Variants in PLEKHA2 observed in about 807,000 individuals in gnomAD.
PLEKHA2 encodes the protein pleckstrin homology domain containing A2.
PLEKHA2 carries 28 observed loss-of-function variants against 53.2 expected under a neutral mutation model. The observed-to-expected ratio is 0.53, with a 90% confidence interval of 0.39 to 0.72. The LOEUF (loss-of-function observed/expected upper bound fraction) is 0.72, where lower values mean the gene tolerates loss of function less well. Ranked by LOEUF, PLEKHA2 falls within the 30% of genes least tolerant of loss-of-function variation. The probability of loss-of-function intolerance (pLI) is 0.00; values close to 1 mark genes in which losing one functional copy is unlikely to be tolerated. For synonymous variants in PLEKHA2, 193 were observed against 196.4 expected, an observed-to-expected ratio of 0.98 and a Z score of 0.14; for missense variants, 426 against 537.9, an observed-to-expected ratio of 0.79 and a Z score of 2.06.
In PLEKHA2 at chr8:38,908,420, C is replaced by T. The variant is rs190170050; in HGVS notation, c.-24+6975C>T. Among the ~76,000 whole-genome samples the T allele has an allele frequency of 5.9e-5, 9 of 152,184 alleles. No homozygotes were observed. In the East Asian group the frequency reaches 1.7e-3, roughly 29 times the overall value. ...AAAACACCAAAAAGTTCCAAGAGAGCTATAATTTAGGGAAGGCCTTGTTTG... is the reference window on the plus strand; with the variant it reads ...AAAACACCAAAAAGTTCCAAGAGAGTTATAATTTAGGGAAGGCCTTGTTTG... On this transcript the variant is annotated intron_variant, in intron 1 of 11. Transcript: ENST00000617275.
At chr8:38,943,968 C>A in intron 4 of PLEKHA2, 131 bp downstream of exon 4, 1 of 624,354 alleles carries the variant, frequency 1.6e-6, no homozygotes, top group South Asian at 3.4e-5. Context: ...CAGTGACGGT[C>A]CTGGACGTCA....
chr8:38,964,671 C>T (rs1028340454), intron 10 of PLEKHA2, among the ~76,000 whole-genome samples: 4 of 150,956 alleles, frequency 2.6e-5, no homozygotes, highest in African/African-American at 4.9e-5. Context: ...CTTACAAAGA[C>T]GTCTGGTAAC....
At chr8:38,916,418 C>A (rs1207273989) in intron 1 of PLEKHA2, among the ~76,000 whole-genome samples, 1 of 152,192 alleles carries the variant, frequency 6.6e-6, no homozygotes, top group Non-Finnish European at 1.5e-5. Flanking sequence ...CAGCCCCCCA[C>A]TACCCTTCCC....
intron 3 of PLEKHA2, among the ~76,000 whole-genome samples, chr8:38,940,219 G>A (rs1038864806): frequency 9.2e-5 from 14 of 151,908 alleles, no homozygotes; most frequent in African/African-American, 2.4e-4. Flanking sequence ...CCAACATGGC[G>A]AAACCCCATC....
At chr8:38,946,285 G>T (rs934844509) in intron 5 of PLEKHA2, 64 bp downstream of exon 5, 1 of 1,394,938 alleles carries the variant, frequency 7.2e-7, no homozygotes, top group Admixed American at 2.0e-5. Context: ...CTATGGCCTT[G>T]TTGGGGTTGG....
At chr8:38,913,940 C>A (rs966126386) in intron 1 of PLEKHA2, among the ~76,000 whole-genome samples, 1 of 152,180 alleles carries the variant, frequency 6.6e-6, no homozygotes, top group Admixed American at 6.5e-5. Flanking sequence ...GGCCCTGGGT[C>A]TGTCCGCAGG....
chr8:38,918,311 C>T (rs1259921176), intron 2 of PLEKHA2, among the ~76,000 whole-genome samples: 1 of 134,650 alleles, frequency 7.4e-6, no homozygotes, highest in Non-Finnish European at 1.6e-5. Context: ...TACACACACA[C>T]CACACACACA....
intron 10 of PLEKHA2, 117 bp downstream of exon 10, chr8:38,957,503 A>G: frequency 2.4e-6 from 2 of 843,676 alleles, no homozygotes; most frequent in South Asian, 1.7e-5. Flanking sequence ...TAGGCAGTAA[A>G]TTTAGCCCCT....
chr8:38,950,320 C>A (rs983707722), intron 5 of PLEKHA2, among the ~76,000 whole-genome samples: 1 of 152,164 alleles, frequency 6.6e-6, no homozygotes, highest in East Asian at 1.9e-4. Flanking sequence ...AGGTGTGAGG[C>A]CCCGGACCTG....
intron 2 of PLEKHA2, among the ~76,000 whole-genome samples, chr8:38,919,863 G>A (rs1217837079): frequency 6.6e-6 from 1 of 152,110 alleles, no homozygotes; most frequent in Non-Finnish European, 1.5e-5. Context: ...CCCTTCCTAG[G>A]CACACTGTGA....
chr8:38,918,431 C>CCA lies in PLEKHA2; in HGVS notation c.141+362_141+363dup, dbSNP rs1451171478. ...CAGACACATACACACACCACACACA[C>CCA]CATACACACACACAACCCATACACC... On this transcript the variant is annotated intron_variant, in intron 2 of 11. Transcript: ENST00000617275. 8.0e-4 allele frequency among the ~76,000 whole-genome samples: 110 copies of CCA among 138,000 alleles called. 1 individual carries two copies. The highest frequency in any genetic ancestry group is 1.3e-3 in the Non-Finnish European group (79 of 63,048). 90.5% of individuals were successfully genotyped at this position (138,000 alleles called of 152,430 possible). A position where few individuals can be genotyped will look rare whatever the true frequency, so the allele number is the denominator to read the frequency against.
chr8:38,904,442 C>A (rs755198605), intron 1 of PLEKHA2, among the ~76,000 whole-genome samples: 4 of 152,228 alleles, frequency 2.6e-5, no homozygotes, highest in Non-Finnish European at 5.9e-5. Context: ...TTGAGAAGCA[C>A]TGCAGTTAAA....
intron 3 of PLEKHA2, among the ~76,000 whole-genome samples, chr8:38,941,292 G>T (rs1454172349): frequency 1.3e-5 from 2 of 152,204 alleles, no homozygotes; most frequent in East Asian, 3.8e-4. Context: ...CTTACCTCAA[G>T]TGATCCACCG....
chr8:38,930,340 T>C (rs1427630750), intron 2 of PLEKHA2, among the ~76,000 whole-genome samples: 1 of 152,196 alleles, frequency 6.6e-6, no homozygotes, highest in Non-Finnish European at 1.5e-5. Context: ...TAGCTGGGAT[T>C]ACAGGCGCAT....
chr8:38,903,565 AG>A (rs1335463400), intron 1 of PLEKHA2, among the ~76,000 whole-genome samples: 3 of 152,120 alleles, frequency 2.0e-5, no homozygotes, highest in Non-Finnish European at 1.5e-5. Context: ...AGAAGTGGGA[AG>A]GGGAAGGCTG....
At chr8:38,956,081 C>T (rs10102921) in intron 9 of PLEKHA2, among the ~76,000 whole-genome samples, 57,090 of 152,130 alleles carry the variant, frequency 0.38, 11,069 homozygotes, top group East Asian at 0.7. Flanking sequence ...GCTGGGATTA[C>T]AGGCGTAAGC....
chr8:38,951,041 A>G (rs116646656), intron 6 of PLEKHA2, 51 bp downstream of exon 6: 2 of 1,267,804 alleles, frequency 1.6e-6, no homozygotes, highest in East Asian at 5.1e-5. Context: ...GGAAGTGTCC[A>G]TGGTGTGCCC....
At chr8:38,920,913 G>A (rs1834179431) in intron 2 of PLEKHA2, among the ~76,000 whole-genome samples, 1 of 151,770 alleles carries the variant, frequency 6.6e-6, no homozygotes, top group African/African-American at 2.4e-5. Flanking sequence ...CGATTCTCCT[G>A]TCTCAGCCTC....
At chr8:38,907,444 C>T (rs534112582) in intron 1 of PLEKHA2, among the ~76,000 whole-genome samples, 1 of 152,234 alleles carries the variant, frequency 6.6e-6, no homozygotes, top group Non-Finnish European at 1.5e-5. Context: ...CAGAAAACCA[C>T]AGCTCTCATT....
Sources: gnomAD v4.1 joint callset for allele counts (sites outside exome capture counted in the v4.1 genomes callset) on GRCh38, gnomAD v4.1.1 for gene constraint, MANE v1.5 for transcripts, NCBI Gene and HGNC (gene_info 2026-07-23, HGNC 2026-07-21) for gene names.